The following AK7 variants were observed in gnomAD, a reference collection of about 807,000 sequenced individuals.
AK7 encodes ATP-AMP transphosphorylase 7.
A neutral mutation model predicts 96.6 loss-of-function variants in AK7; 78 were observed. The ratio of observed to expected loss-of-function variants is 0.81; its 90% CI spans 0.67 to 0.97. The LOEUF (loss-of-function observed/expected upper bound fraction) is 0.97. Ranked by LOEUF, AK7 falls within the 50% of genes least tolerant of loss-of-function variation. The probability of loss-of-function intolerance (pLI) is 0.00; values close to 1 mark genes in which losing one functional copy is unlikely to be tolerated. For synonymous variants in AK7, 302 were observed against 317.2 expected (o/e 0.95, Z 0.51); for missense variants, 855 against 887.9 (o/e 0.96, Z 0.47).
chr14:96,458,586 CAA>C (rs1423737620), intron 12 of AK7, among the ~76,000 whole-genome samples: 1 of 151,678 alleles, frequency 6.6e-6, no homozygotes, highest in African/African-American at 2.4e-5. Context: ...ACTAAAAATA[CAA>C]AAAATTAGCC....
At chr14:96,421,076 T>A in intron 5 of AK7, 144 bp downstream of exon 5, 1 of 542,256 alleles carries the variant, frequency 1.8e-6, no homozygotes, top group Non-Finnish European at 3.3e-6. Context: ...GCCCAGGTTC[T>A]GGTCCAGCAC....
intron 1 of AK7, among the ~76,000 whole-genome samples, chr14:96,393,518 C>G (rs774230249): frequency 6.6e-6 from 1 of 152,200 alleles, no homozygotes; most frequent in Non-Finnish European, 1.5e-5. Flanking sequence ...TTGCTTGCCC[C>G]TCTCCTAGCT....
intron 12 of AK7, among the ~76,000 whole-genome samples, chr14:96,462,185 GGT>G (rs1406513510): frequency 6.6e-6 from 1 of 152,178 alleles, no homozygotes; most frequent in Non-Finnish European, 1.5e-5. Context: ...CAGAGGAAGT[GGT>G]CGTGTGGGGA....
chr14:96,423,861 A>G (rs1364468896), intron 5 of AK7: 2 of 860,450 alleles, frequency 2.3e-6, no homozygotes, highest in Non-Finnish European at 4.0e-6. Flanking sequence ...GGCTCGTCAC[A>G]TTTCAGCGGC....
chr14:96,469,352 C>T lies in AK7; in HGVS notation c.1358-2126C>T, dbSNP rs1259101897. 2.0e-5 allele frequency among the ~76,000 whole-genome samples: 3 copies of T among 152,054 alleles called. No individual in the cohort carries two copies. In the East Asian group the frequency reaches 5.8e-4, roughly 29 times the overall value. The stretch of plus-strand genomic sequence containing the variant: ...CCTGACCAACATGGCAAAACCCTGT[C>T]CCTACTAAAAAATACAAATAAAATT... On this transcript the variant is annotated intron_variant, in intron 12 of 17. Transcript: ENST00000267584.
rs372395074 is a variant in AK7 at position 96,489,157 on chromosome 14, C to T, written c.*814C>T. ...AATAATGTAACCTAATATAACTGCC[C>T]GACTTTTTATTTGTGCTAAAATACA... On this transcript the variant is annotated 3_prime_UTR_variant, in exon 18 of 18. Transcript: ENST00000267584. 3 of 152,022 alleles carry T rather than the reference C, an allele frequency of 2.0e-5. No individual in the cohort carries two copies. Among genetic ancestry groups the T allele is most frequent in the African/African-American group, 4.8e-5 (2 of 41,380 alleles). 9.4% of individuals were successfully genotyped at this position (152,022 alleles called of 1,614,324 possible). A position where few individuals can be genotyped will look rare whatever the true frequency, so the allele number is the denominator to read the frequency against.
intron 12 of AK7, among the ~76,000 whole-genome samples, chr14:96,458,678 G>A (rs1461556469): frequency 6.6e-6 from 1 of 150,430 alleles, no homozygotes; most frequent in Non-Finnish European, 1.5e-5. Flanking sequence ...GGAGGCGGAG[G>A]TTGCAGTGAG....
intron 9 of AK7, among the ~76,000 whole-genome samples, chr14:96,450,146 G>T (rs1893506278): frequency 6.6e-6 from 1 of 152,046 alleles, no homozygotes; most frequent in African/African-American, 2.4e-5. Context: ...GCCGGGCGCG[G>T]TGATTCACGC....
intron 12 of AK7, among the ~76,000 whole-genome samples, chr14:96,464,564 A>AC (rs1413721165): frequency 3.3e-5 from 5 of 151,062 alleles, no homozygotes; most frequent in Non-Finnish European, 5.9e-5. Context: ...AAAAAAAAAA[A>AC]AAAAGGAGAA....
At chr14:96,478,728 G>C (rs531473634) in intron 15 of AK7, 66 bp downstream of exon 15, 2 of 1,530,012 alleles carry the variant, frequency 1.3e-6, no homozygotes, top group East Asian at 4.5e-5. Flanking sequence ...TGCAGGTCTA[G>C]CTGTAATTGT....
At chr14:96,481,797 C>G (rs191885582) in intron 15 of AK7, among the ~76,000 whole-genome samples, 4 of 150,674 alleles carry the variant, frequency 2.7e-5, no homozygotes, top group African/African-American at 9.8e-5. Context: ...CTCTGCTTCC[C>G]GGGTTCAAGT....
At chr14:96,428,855 G>GGATAT (rs1372230521) in intron 5 of AK7, among the ~76,000 whole-genome samples, 2 of 150,890 alleles carry the variant, frequency 1.3e-5, no homozygotes, top group African/African-American at 5.0e-5. Flanking sequence ...TGTAGATTCT[G>GGATAT]GATATTAGCC....
chr14:96,452,873 C>T (rs571802791), intron 10 of AK7, among the ~76,000 whole-genome samples: 7 of 152,300 alleles, frequency 4.6e-5, no homozygotes, highest in Non-Finnish European at 8.8e-5. Flanking sequence ...ACTGCAGGGC[C>T]GCCACACCTG....
intron 3 of AK7, 70 bp from the exon 4 acceptor site, chr14:96,408,777 A>C (rs957925879): frequency 2.1e-6 from 3 of 1,433,110 alleles, no homozygotes; most frequent in Non-Finnish European, 2.9e-6. Context: ...CTGGTGACTA[A>C]TAGTACACGT....
chr14:96,413,560 G>A (rs545324666), intron 4 of AK7, among the ~76,000 whole-genome samples: 101 of 152,328 alleles, frequency 6.6e-4, no homozygotes, highest in African/African-American at 2.4e-3. Context: ...CACTCAACAC[G>A]TTTGGATTTA....
chr14:96,409,072 C>G (rs2140006986), intron 4 of AK7, 131 bp downstream of exon 4: 1 of 866,906 alleles, frequency 1.2e-6, no homozygotes, highest in Non-Finnish European at 1.8e-6. Flanking sequence ...AATAAGCACC[C>G]AGCAGAGTTT....
At chr14:96,467,697 A>G (rs1297458055) in intron 12 of AK7, among the ~76,000 whole-genome samples, 1 of 152,120 alleles carries the variant, frequency 6.6e-6, no homozygotes, top group Non-Finnish European at 1.5e-5. Flanking sequence ...TGATTTAGAC[A>G]AATTTATCCA....
intron 12 of AK7, among the ~76,000 whole-genome samples, chr14:96,458,934 A>AG (rs1236656909): frequency 0.018 from 2,206 of 125,028 alleles, 111 homozygotes; most frequent in African/African-American, 0.025. Flanking sequence ...AAAAAAAAAA[A>AG]AAAAGGTGAA....
At chr14:96,471,703 TAG>T in intron 13 of AK7, 97 bp downstream of exon 13, 1 of 1,048,484 alleles carries the variant, frequency 9.5e-7, no homozygotes, top group Non-Finnish European at 1.3e-6. Flanking sequence ...AACAGAAAAC[TAG>T]AGAGACTATT....
Sources: gnomAD v4.1 joint callset for allele counts (sites outside exome capture counted in the v4.1 genomes callset) on GRCh38, gnomAD v4.1.1 for gene constraint, MANE v1.5 for transcripts, NCBI Gene and HGNC (gene_info 2026-07-23, HGNC 2026-07-21) for gene names.